The following CCDC117 variants were observed in gnomAD, a reference collection of about 807,000 sequenced individuals.
CCDC117 encodes coiled-coil domain-containing protein 117.
In CCDC117, 1 loss-of-function variant was observed where a neutral mutation model predicts 23.5. That is an observed-to-expected ratio of 0.04 (90% confidence interval 0.02 to 0.20). The LOEUF is 0.20. Among genes scored for constraint, CCDC117 ranks in the 10% least tolerant of loss-of-function variants. The probability of loss-of-function intolerance (pLI) is 1.00; values close to 1 mark genes in which losing one functional copy is unlikely to be tolerated. For synonymous variants in CCDC117, 132 were observed against 124.8 expected, an observed-to-expected ratio of 1.06 and a Z score of -0.39; for missense variants, 383 against 348.2, an observed-to-expected ratio of 1.10 and a Z score of -0.80.
intron 3 of CCDC117, among the ~76,000 whole-genome samples, chr22:28,782,171 C>T (rs1056005565): frequency 6.6e-6 from 1 of 150,724 alleles, no homozygotes; most frequent in Non-Finnish European, 1.5e-5. Flanking sequence ...TTCCTGGGCT[C>T]GAGCAAGCCG....
rs2031601197 is a variant in CCDC117 at position 28,789,087 on chromosome 22, CTAA to C, written c.*2762_*2764del. 3 of 148,404 alleles carry C rather than the reference CTAA, an allele frequency of 2.0e-5. No individual in the cohort carries two copies. The highest frequency in any genetic ancestry group is 7.5e-5 in the African/African-American group (3 of 40,254). 9.2% of individuals were successfully genotyped at this position (148,404 alleles called of 1,614,324 possible). On this transcript the variant is annotated 3_prime_UTR_variant, in exon 5 of 5. Transcript: ENST00000249064. The stretch of plus-strand genomic sequence containing the variant: ...ACACATGTAAAATTTAGGAAAATAA[CTAA>C]AGTAGGGGCTGGAACCATAAGAAGA...
At chr22:28,778,552 G>A (rs1371506947) in intron 2 of CCDC117, among the ~76,000 whole-genome samples, 2 of 152,164 alleles carry the variant, frequency 1.3e-5, no homozygotes, top group Non-Finnish European at 2.9e-5. Flanking sequence ...AGGTTGCAGT[G>A]AGGCCCACTG....
intron 3 of CCDC117, among the ~76,000 whole-genome samples, chr22:28,782,219 T>C (rs2146252902): frequency 6.7e-6 from 1 of 149,412 alleles, no homozygotes; most frequent in East Asian, 2.0e-4. Context: ...ATTACAGGCA[T>C]GAGCTACTGT....
chr22:28,778,697 G>A (rs1302322681), intron 2 of CCDC117, among the ~76,000 whole-genome samples: 1 of 152,122 alleles, frequency 6.6e-6, no homozygotes, highest in African/African-American at 2.4e-5. Context: ...AAAGTTTAAA[G>A]TATAGAAACT....
intron 1 of CCDC117, 34 bp from the exon 2 acceptor site, chr22:28,773,691 T>A (rs974745514): frequency 2.0e-5 from 32 of 1,577,998 alleles, no homozygotes; most frequent in African/African-American, 2.7e-5. Context: ...TCGAGTACAT[T>A]TCTTAATTGA....
chr22:28,778,108 G>A (rs1053245499), intron 2 of CCDC117, among the ~76,000 whole-genome samples: 1 of 151,864 alleles, frequency 6.6e-6, no homozygotes, highest in Non-Finnish European at 1.5e-5. Context: ...GCCTCCCAAA[G>A]TGGCCTCGGC....
At chr22:28,778,195 A>G (rs549720790) in intron 2 of CCDC117, among the ~76,000 whole-genome samples, 108 of 152,256 alleles carry the variant, frequency 7.1e-4, no homozygotes, top group African/African-American at 2.3e-3. Flanking sequence ...GTTTTCTTCA[A>G]ATTTATCCTT....
intron 4 of CCDC117, 122 bp from the exon 5 acceptor site, chr22:28,785,967 C>G: frequency 1.5e-6 from 1 of 658,426 alleles, no homozygotes; most frequent in Non-Finnish European, 2.6e-6. Context: ...TTTGTGTGTT[C>G]TAAATCTCCT....
chr22:28,782,584 G>T (rs567452283), intron 3 of CCDC117, among the ~76,000 whole-genome samples: 1 of 152,010 alleles, frequency 6.6e-6, no homozygotes, highest in Non-Finnish European at 1.5e-5. Context: ...GATTGCAGGT[G>T]CCTGCCATCA....
chr22:28,776,235 C>T (rs1028193500), intron 2 of CCDC117, among the ~76,000 whole-genome samples: 2 of 152,066 alleles, frequency 1.3e-5, no homozygotes, highest in African/African-American at 4.8e-5. Flanking sequence ...ATGGTGAAAC[C>T]CTGTCTCTAC....
chr22:28,785,522 G>A (rs905885965), intron 4 of CCDC117, among the ~76,000 whole-genome samples: 4 of 152,068 alleles, frequency 2.6e-5, no homozygotes, highest in Non-Finnish European at 5.9e-5. Context: ...ATACTAAAAG[G>A]CATCTGAGAT....
intron 4 of CCDC117, among the ~76,000 whole-genome samples, chr22:28,784,299 T>C (rs1406519752): frequency 6.6e-6 from 1 of 152,176 alleles, no homozygotes. Context: ...CACAATAACC[T>C]AAAAAGTAAA....
At chr22:28,785,278 T>C (rs758072902) in intron 4 of CCDC117, among the ~76,000 whole-genome samples, 2 of 151,592 alleles carry the variant, frequency 1.3e-5, no homozygotes, top group Non-Finnish European at 2.9e-5. Flanking sequence ...AGCCTTGACC[T>C]CCTGGGCTCA....
At position 28,772,862 on chromosome 22, in the gene CCDC117, G is replaced by A. The variant is rs925573060; in HGVS notation, c.13G>A (p.Gly5Ser). The A allele has an allele frequency of 5.7e-6, 7 of 1,233,282 alleles. No individual in the cohort carries two copies. In the African/African-American group the frequency reaches 9.4e-5, roughly 17 times the overall value. The allele number at this position is 1,233,282 out of a possible 1,614,324, so 76.4% of individuals were successfully genotyped here. The change falls in exon 1 of 5, where the codon GGC (glycine) becomes AGC (serine). Residue 5 changes from glycine (G) to serine (S), a missense_variant. Transcript: ENST00000249064. ...CGTCTCGCCGGCTATGGCTGCGCTC[G>A]GCCGGCCCTTCAGCGGCCTCCCTCT... MAAL[G>S]RPFSGLPLSG...
At chr22:28,775,984 T>C (rs1338309143) in intron 2 of CCDC117, among the ~76,000 whole-genome samples, 1 of 152,138 alleles carries the variant, frequency 6.6e-6, no homozygotes, top group Non-Finnish European at 1.5e-5. Context: ...TTTAGGGAAA[T>C]GTGTATTAAA....
chr22:28,777,517 CTT>C (rs1047408172), intron 2 of CCDC117, among the ~76,000 whole-genome samples: 1 of 123,810 alleles, frequency 8.1e-6, no homozygotes, highest in Non-Finnish European at 1.8e-5. Context: ...TTTTTTTTTT[CTT>C]TTTTTTTTTG....
At chr22:28,782,330 C>T (rs981464913) in intron 3 of CCDC117, among the ~76,000 whole-genome samples, 1 of 146,878 alleles carries the variant, frequency 6.8e-6, no homozygotes, top group Non-Finnish European at 1.5e-5. Context: ...GAACTCGGCG[C>T]TCACTGCAAC....
chr22:28,777,161 C>G (rs1296585360), intron 2 of CCDC117, among the ~76,000 whole-genome samples: 3 of 151,692 alleles, frequency 2.0e-5, no homozygotes, highest in Non-Finnish European at 2.9e-5. Context: ...GCCTCAGCCT[C>G]CCATGTAGCT....
At chr22:28,776,595 T>C (rs2031168368) in intron 2 of CCDC117, among the ~76,000 whole-genome samples, 1 of 151,766 alleles carries the variant, frequency 6.6e-6, no homozygotes, top group Non-Finnish European at 1.5e-5. Flanking sequence ...TAATTTTTTT[T>C]TTTTTTGAGA....
Sources: allele counts gnomAD v4.1 joint callset (sites outside exome capture counted in the v4.1 genomes callset), GRCh38; gene constraint gnomAD v4.1.1; transcripts MANE v1.5; gene names NCBI Gene and HGNC (gene_info 2026-07-23, HGNC 2026-07-21).